The following PTPRD variants were observed in gnomAD, a reference collection of about 807,000 sequenced individuals.
The protein encoded by PTPRD is receptor-type tyrosine-protein phosphatase delta.
PTPRD carries 34 observed loss-of-function variants against 214.5 expected under a neutral mutation model. The ratio of observed to expected loss-of-function variants is 0.16; its 90% CI spans 0.12 to 0.21. The LOEUF is 0.21. PTPRD is among the 10% of genes least tolerant of loss of function. PTPRD has a pLI of 1.00. For missense variants in PTPRD, 2,545 were observed against 2,398.7 expected, an observed-to-expected ratio of 1.06 and a Z score of -1.27; for synonymous variants, 1,128 against 845.7, an observed-to-expected ratio of 1.33 and a Z score of -5.79.
chr9:10,495,994 A>AT lies in PTPRD; in HGVS notation c.-600+116403dup, dbSNP rs571720495. ...TTTCATAACATCAATGATATGTTTT[A>AT]TGAAAAGCATTTGATCAAGGTTATT... On this transcript the variant is annotated intron_variant, in intron 2 of 45. Coordinates refer to ENST00000381196, the MANE Select transcript of PTPRD (RefSeq NM_002839.4). Among the ~76,000 whole-genome samples the AT allele has an allele frequency of 3.8e-4, 58 of 151,922 alleles. No individual in the cohort carries two copies. The East Asian group carries it at 0.011, about 28-fold the overall frequency.
At chr9:8,397,813 C>T (rs1366910552) in intron 36 of PTPRD, among the ~76,000 whole-genome samples, 1 of 152,122 alleles carries the variant, frequency 6.6e-6, no homozygotes, top group Non-Finnish European at 1.5e-5. Context: ...CTTAAAGGTG[C>T]TAAATTGCCC....
chr9:9,788,396 A>G (rs1298308500), intron 5 of PTPRD, among the ~76,000 whole-genome samples: 1 of 151,474 alleles, frequency 6.6e-6, no homozygotes, highest in Middle Eastern at 3.4e-3. Context: ...CTAAAAATAC[A>G]AAAAAATTAC....
chr9:9,530,750 A>G (rs550784248), intron 8 of PTPRD, among the ~76,000 whole-genome samples: 3 of 152,310 alleles, frequency 2.0e-5, no homozygotes, highest in Non-Finnish European at 4.4e-5. Context: ...TGGATGGAAC[A>G]GAGGTGATAT....
intron 3 of PTPRD, among the ~76,000 whole-genome samples, chr9:10,103,818 A>G (rs535567459): frequency 6.6e-6 from 1 of 151,812 alleles, no homozygotes; most frequent in Non-Finnish European, 1.5e-5. Flanking sequence ...GTTCTCAAGA[A>G]TTTAGAAAAA....
chr9:9,050,200 T>C (rs975137564), intron 10 of PTPRD, among the ~76,000 whole-genome samples: 2 of 152,372 alleles, frequency 1.3e-5, no homozygotes, highest in South Asian at 2.1e-4. Context: ...TAGAATACTT[T>C]TTCCCTTTAA....
intron 9 of PTPRD, among the ~76,000 whole-genome samples, chr9:9,294,448 A>T (rs1005596003): frequency 6.6e-6 from 1 of 151,740 alleles, no homozygotes; most frequent in African/African-American, 2.4e-5. Flanking sequence ...AAAAATTCAC[A>T]TGTTGAACCT....
chr9:9,678,080 A>G (rs2096973819), intron 7 of PTPRD, among the ~76,000 whole-genome samples: 1 of 152,152 alleles, frequency 6.6e-6, no homozygotes, highest in Non-Finnish European at 1.5e-5. Context: ...GATACAAACA[A>G]ATGGAAGAAC....
chr9:8,791,221 T>A (rs1250900472), intron 11 of PTPRD, among the ~76,000 whole-genome samples: 1 of 151,426 alleles, frequency 6.6e-6, no homozygotes, highest in Non-Finnish European at 1.5e-5. Context: ...ACAATTTTTT[T>A]TTTCCTTTTT....
At chr9:9,473,996 T>A (rs1576799) in intron 8 of PTPRD, among the ~76,000 whole-genome samples, 109,072 of 151,750 alleles carry the variant, frequency 0.72, 39,221 homozygotes, top group South Asian at 0.75. Context: ...TTTTGTTTTC[T>A]TTGCCTGTGA....
chr9:10,279,709 A>G (rs894006839), intron 3 of PTPRD, among the ~76,000 whole-genome samples: 1 of 64,168 alleles, frequency 1.6e-5, no homozygotes, highest in Non-Finnish European at 2.8e-5. Flanking sequence ...TGCAAAACAG[A>G]AAAAAAAAAA....
intron 3 of PTPRD, among the ~76,000 whole-genome samples, chr9:10,303,869 T>C (rs1461562359): frequency 1.3e-5 from 2 of 152,128 alleles, no homozygotes; most frequent in Admixed American, 6.5e-5. Context: ...TCTGAAACTA[T>C]TCCAAGCAAC....
chr9:8,997,052 G>A (rs556513109), intron 11 of PTPRD, among the ~76,000 whole-genome samples: 41 of 152,152 alleles, frequency 2.7e-4, no homozygotes, highest in Non-Finnish European at 5.1e-4. Flanking sequence ...TCAGTTTCCT[G>A]CACTAGAGTC....
At chr9:10,392,986 T>C (rs1004211995) in intron 2 of PTPRD, among the ~76,000 whole-genome samples, 5 of 151,768 alleles carry the variant, frequency 3.3e-5, no homozygotes, top group South Asian at 2.1e-4. Context: ...CAGAGCAGTC[T>C]AGGAGCTTTG....
chr9:8,735,729 G>A (rs1435720585), intron 11 of PTPRD, among the ~76,000 whole-genome samples: 2 of 151,976 alleles, frequency 1.3e-5, no homozygotes, highest in African/African-American at 4.8e-5. Context: ...GGCCAACATG[G>A]TGAAACTCCG....
chr9:9,644,065 T>G (rs2096063290), intron 7 of PTPRD, among the ~76,000 whole-genome samples: 1 of 150,196 alleles, frequency 6.7e-6, no homozygotes, highest in African/African-American at 2.5e-5. Flanking sequence ...TCCCTCAAAG[T>G]TTTTTTTCTG....
intron 7 of PTPRD, among the ~76,000 whole-genome samples, chr9:9,673,881 C>T (rs1161022259): frequency 6.6e-6 from 1 of 151,676 alleles, no homozygotes; most frequent in Non-Finnish European, 1.5e-5. Flanking sequence ...AATAATATAT[C>T]ATACTTAAAG....
At chr9:8,812,370 C>T (rs1465572334) in intron 11 of PTPRD, among the ~76,000 whole-genome samples, 1 of 152,106 alleles carries the variant, frequency 6.6e-6, no homozygotes. Flanking sequence ...TGGATAATAA[C>T]ATTACTTATA....
chr9:9,802,403 G>C (rs988722531), intron 5 of PTPRD, among the ~76,000 whole-genome samples: 1 of 151,876 alleles, frequency 6.6e-6, no homozygotes, highest in Non-Finnish European at 1.5e-5. Flanking sequence ...AGAATTTGAA[G>C]TTAATGCACT....
At chr9:9,744,887 G>A (rs1380683321) in intron 6 of PTPRD, among the ~76,000 whole-genome samples, 1 of 151,918 alleles carries the variant, frequency 6.6e-6, no homozygotes, top group African/African-American at 2.4e-5. Flanking sequence ...AAAAATATGT[G>A]CTTGAGTATA....
Sources: gnomAD v4.1 joint callset for allele counts (sites outside exome capture counted in the v4.1 genomes callset) on GRCh38, gnomAD v4.1.1 for gene constraint, MANE v1.5 for transcripts, NCBI Gene and HGNC (gene_info 2026-07-23, HGNC 2026-07-21) for gene names.